Variants in SEL1L2 observed in about 807,000 individuals in gnomAD.
SEL1L2 encodes the protein SEL1L2 adaptor subunit of SYVN1 ubiquitin ligase.
A neutral mutation model predicts 98.8 loss-of-function variants in SEL1L2; 89 were observed. The observed-to-expected ratio is 0.90, with a 90% CI of 0.76 to 1.07. The LOEUF is 1.07. SEL1L2 is among the 50% of genes least tolerant of loss of function. The pLI is 0.00. For missense variants in SEL1L2, 788 were observed against 812.0 expected, an observed-to-expected ratio of 0.97 and a Z score of 0.36; for synonymous variants, 262 against 278.5, an observed-to-expected ratio of 0.94 and a Z score of 0.59.
chr20:13,900,569 T>C (rs1265748147), intron 5 of SEL1L2, among the ~76,000 whole-genome samples: 1 of 152,170 alleles, frequency 6.6e-6, no homozygotes, highest in African/African-American at 2.4e-5. Flanking sequence ...CTCTTATTGT[T>C]ATAATCTTAA....
At chr20:13,979,927 G>A (rs1015781749) in intron 1 of SEL1L2, among the ~76,000 whole-genome samples, 18 of 152,004 alleles carry the variant, frequency 1.2e-4, no homozygotes, top group African/African-American at 4.3e-4. Flanking sequence ...GACAACCCAT[G>A]AATTGGGAGA....
chr20:13,967,853 T>C (rs542488776), intron 1 of SEL1L2, among the ~76,000 whole-genome samples: 7 of 152,300 alleles, frequency 4.6e-5, no homozygotes, highest in Admixed American at 2.0e-4. Context: ...GAATTGCATA[T>C]ATATGAGGGA....
chr20:13,899,680 T>C (rs1241849736), intron 5 of SEL1L2, among the ~76,000 whole-genome samples: 1 of 152,266 alleles, frequency 6.6e-6, no homozygotes, highest in East Asian at 1.9e-4. Context: ...CCTCACCTAT[T>C]AATATTGTTA....
intron 18 of SEL1L2, among the ~76,000 whole-genome samples, chr20:13,856,891 A>G (rs1298519606): frequency 6.6e-6 from 1 of 152,206 alleles, no homozygotes; most frequent in African/African-American, 2.4e-5. Context: ...AGAGGATTGC[A>G]AAGTGCCTCA....
Position 13,870,152 on chromosome 20 carries a change from C to T in SEL1L2, c.1156G>A (p.Gly386Arg). 1 of 1,607,596 alleles carries T rather than the reference C, an allele frequency of 6.2e-7. No individual in the cohort carries two copies. The highest frequency in any genetic ancestry group is 8.5e-7 in the Non-Finnish European group (1 of 1,175,368). ...ATAATTTAACTTACCAGGGGAACTC[C>T]TTTTCCATGAAAGTAAAGAAGACCA... ...GLGLLYFHGK[G>R]VPLNYAEALK... The change falls in exon 13 of 20, where the codon GGA becomes AGA. Residue 386 changes from glycine (G) to arginine (R), a missense_variant. Transcript: ENST00000284951.
intron 1 of SEL1L2, among the ~76,000 whole-genome samples, chr20:13,961,245 A>C (rs1339834340): frequency 6.6e-6 from 1 of 152,256 alleles, no homozygotes; most frequent in Non-Finnish European, 1.5e-5. Context: ...GTTGATTTTA[A>C]GTGGCAAATT....
chr20:13,948,289 G>A (rs543997870), intron 2 of SEL1L2, among the ~76,000 whole-genome samples: 21 of 151,820 alleles, frequency 1.4e-4, no homozygotes, highest in Non-Finnish European at 2.4e-4. Flanking sequence ...AAATCTCAAG[G>A]GACTCTGAAT....
chr20:13,963,748 A>G (rs2050893542), intron 1 of SEL1L2, among the ~76,000 whole-genome samples: 1 of 152,092 alleles, frequency 6.6e-6, no homozygotes, highest in Non-Finnish European at 1.5e-5. Flanking sequence ...AATGAGAATA[A>G]CAATTAAAAA....
chr20:13,964,008 A>T (rs956365353), intron 1 of SEL1L2, among the ~76,000 whole-genome samples: 1 of 151,822 alleles, frequency 6.6e-6, no homozygotes, highest in African/African-American at 2.4e-5. Flanking sequence ...AGTAGTTGGG[A>T]TTACAGGCAC....
chr20:13,885,536 C>T, intron 9 of SEL1L2, 133 bp from the exon 10 acceptor site: 1 of 676,628 alleles, frequency 1.5e-6, no homozygotes, highest in East Asian at 2.6e-5. Flanking sequence ...ATCAGGGAAA[C>T]ATTCCAGACT....
At chr20:13,970,527 G>A (rs1285649802) in intron 1 of SEL1L2, among the ~76,000 whole-genome samples, 2 of 152,142 alleles carry the variant, frequency 1.3e-5, no homozygotes, top group African/African-American at 2.4e-5. Context: ...CTTAGTATAC[G>A]TATGTTATAT....
chr20:13,849,905 T>C (rs1987943050), intron 19 of SEL1L2: 2 of 544,196 alleles, frequency 3.7e-6, no homozygotes, highest in East Asian at 3.1e-5. Flanking sequence ...AGAACTGTTT[T>C]GAAGAAGTAT....
chr20:13,957,678 G>C (rs1320160411), intron 1 of SEL1L2, among the ~76,000 whole-genome samples: 1 of 152,152 alleles, frequency 6.6e-6, no homozygotes, highest in African/African-American at 2.4e-5. Context: ...GGAGTTTTGA[G>C]ACGAGCCTGG....
chr20:13,928,593 G>A (rs1276694062), intron 3 of SEL1L2, among the ~76,000 whole-genome samples: 2 of 152,010 alleles, frequency 1.3e-5, no homozygotes, highest in Non-Finnish European at 2.9e-5. Context: ...GTATTACTGC[G>A]GGCCCTAGGT....
intron 5 of SEL1L2, among the ~76,000 whole-genome samples, chr20:13,905,330 T>G (rs1249661332): frequency 1.4e-5 from 2 of 143,092 alleles, no homozygotes; most frequent in Non-Finnish European, 3.1e-5. Context: ...TTTTTTTTTT[T>G]GAGACGGAGT....
chr20:13,975,565 C>T (rs747392109), intron 1 of SEL1L2, among the ~76,000 whole-genome samples: 1 of 152,150 alleles, frequency 6.6e-6, no homozygotes, highest in Non-Finnish European at 1.5e-5. Flanking sequence ...ATAATAAAAA[C>T]ATTTGAATGA....
At chr20:13,971,507 C>G (rs1170691441) in intron 1 of SEL1L2, among the ~76,000 whole-genome samples, 2 of 152,154 alleles carry the variant, frequency 1.3e-5, no homozygotes, top group African/African-American at 4.8e-5. Context: ...CTCACTGCAA[C>G]CTTCACCTCC....
intron 14 of SEL1L2, 44 bp downstream of exon 14, chr20:13,869,459 G>A (rs1300612420): frequency 1.5e-6 from 2 of 1,364,632 alleles, no homozygotes; most frequent in Admixed American, 1.7e-5. Flanking sequence ...ACTTAATAAT[G>A]CATATGTCAT....
chr20:13,960,761 A>G (rs1322638306), intron 1 of SEL1L2, among the ~76,000 whole-genome samples: 1 of 152,116 alleles, frequency 6.6e-6, no homozygotes. Context: ...AAATTCAAGC[A>G]CTCCCTGTAA....
Sources: gnomAD v4.1 joint callset for allele counts (sites outside exome capture counted in the v4.1 genomes callset) on GRCh38, gnomAD v4.1.1 for gene constraint, MANE v1.5 for transcripts, NCBI Gene and HGNC (gene_info 2026-07-23, HGNC 2026-07-21) for gene names.